DCDC2: variants seen among roughly 807,000 people sequenced by gnomAD.
DCDC2 encodes doublecortin domain-containing protein 2.
DCDC2 carries 40 observed loss-of-function variants against 50.2 expected under a neutral mutation model. The observed-to-expected ratio is 0.80, with a 90% CI of 0.62 to 1.04. DCDC2 has a LOEUF of 1.04. DCDC2 is among the 50% of genes least tolerant of loss of function. DCDC2 has a pLI of 0.00. For missense variants in DCDC2, 570 were observed against 581.9 expected (o/e 0.98, Z 0.21); for synonymous variants, 234 against 210.6 (o/e 1.11, Z -0.96).
chr6:24,362,374 G>A (rs1742276), upstream of DCDC2, among the ~76,000 whole-genome samples: 7,264 of 87,744 alleles, frequency 0.083, 1,322 homozygotes, highest in Middle Eastern at 0.16. Context: ...TTAATTGTAT[G>A]TTTATACAAT....
intron 7 of DCDC2, among the ~76,000 whole-genome samples, chr6:24,264,082 G>A (rs1461885095): frequency 2.6e-5 from 4 of 152,118 alleles, no homozygotes; most frequent in Admixed American, 2.6e-4. Flanking sequence ...AGAGTGGCAT[G>A]ACATATTTAA....
intron 7 of DCDC2, among the ~76,000 whole-genome samples, chr6:24,215,075 C>G (rs1761946438): frequency 2.0e-5 from 3 of 151,820 alleles, no homozygotes; most frequent in Admixed American, 6.6e-5. Flanking sequence ...GCATGCAAGT[C>G]TATGTAAGCT....
chr6:24,284,198 C>A (rs73394100), intron 6 of DCDC2, among the ~76,000 whole-genome samples: 2 of 152,170 alleles, frequency 1.3e-5, no homozygotes, highest in Non-Finnish European at 1.5e-5. Context: ...GCCCCCACTG[C>A]GGCCACCTAG....
In DCDC2 at chr6:24,357,305, A is replaced by G. The variant is rs566284286; in HGVS notation, c.293+153T>C. On this transcript the variant is annotated intron_variant, in intron 1 of 9. Coordinates refer to ENST00000378454, the MANE Select transcript of DCDC2 (RefSeq NM_016356.5). ...TCACAGTGTCAACCTCTACCCCCCA[A>G]CTGCAACGAGAGTTTTGAGGGGCAT... The G allele has an allele frequency of 1.5e-4, 129 of 867,044 alleles. No homozygotes were observed. In the African/African-American group the frequency reaches 1.6e-3, roughly 11 times the overall value. The allele number at this position is 867,044 out of a possible 1,614,324, so 53.7% of individuals were successfully genotyped here. A position where few individuals can be genotyped will look rare whatever the true frequency, so the allele number is the denominator to read the frequency against.
the DCDC2 span, among the ~76,000 whole-genome samples, chr6:24,367,816 C>A: frequency 6.6e-6 from 1 of 151,792 alleles, no homozygotes; most frequent in Non-Finnish European, 1.5e-5. Context: ...TCTGAAGGAA[C>A]AAGAGACAGA....
upstream of DCDC2, among the ~76,000 whole-genome samples, chr6:24,359,234 A>ATATATTATATATAATATATTTTT (rs1238312828): frequency 2.1e-5 from 1 of 48,364 alleles, no homozygotes; most frequent in African/African-American, 1.3e-4. Context: ...TATATATTTT[A>ATATATTATATATAATATATTTTT]TATATTTTAT....
chr6:24,298,959 C>G (rs1759317197), intron 4 of DCDC2, among the ~76,000 whole-genome samples: 1 of 152,048 alleles, frequency 6.6e-6, no homozygotes, highest in South Asian at 2.1e-4. Flanking sequence ...CATGTAATAG[C>G]AAAAGATTAG....
At chr6:24,221,124 T>C (rs892686484) in intron 7 of DCDC2, among the ~76,000 whole-genome samples, 2 of 152,126 alleles carry the variant, frequency 1.3e-5, no homozygotes, top group Non-Finnish European at 2.9e-5. Flanking sequence ...GGTACAGACC[T>C]TCTCTCTTCA....
upstream of DCDC2, among the ~76,000 whole-genome samples, chr6:24,361,377 C>A (rs1043782554): frequency 6.6e-6 from 1 of 151,114 alleles, no homozygotes; most frequent in Non-Finnish European, 1.5e-5. Context: ...CTCCGTGACA[C>A]GAGTTACCTA....
intron 7 of DCDC2, among the ~76,000 whole-genome samples, chr6:24,260,016 G>C (rs1762977379): frequency 6.6e-6 from 1 of 152,194 alleles, no homozygotes; most frequent in African/African-American, 2.4e-5. Flanking sequence ...GAGAATTGAT[G>C]CTTAAGGTTA....
At chr6:24,180,717 C>A (rs893840685) in intron 8 of DCDC2, among the ~76,000 whole-genome samples, 1 of 151,810 alleles carries the variant, frequency 6.6e-6, no homozygotes, top group South Asian at 2.1e-4. Context: ...AGTTTGGAAC[C>A]CAGTTAGCCC....
chr6:24,348,734 C>T (rs551803212), intron 2 of DCDC2, among the ~76,000 whole-genome samples: 73 of 152,294 alleles, frequency 4.8e-4, no homozygotes, highest in African/African-American at 1.7e-3. Flanking sequence ...AACTGGCTGA[C>T]CCACAACCCT....
At chr6:24,353,336 T>C (rs1260610561) in intron 2 of DCDC2, 2 of 592,314 alleles carry the variant, frequency 3.4e-6, no homozygotes, top group Admixed American at 2.2e-5. Flanking sequence ...AAGAGAAAAA[T>C]ATGTTTTGTC....
intron 8 of DCDC2, among the ~76,000 whole-genome samples, chr6:24,198,872 C>G (rs932991469): frequency 3.9e-5 from 6 of 152,240 alleles, no homozygotes; most frequent in African/African-American, 1.4e-4. Flanking sequence ...TTTCCCCTCA[C>G]AGTGTAAACG....
At chr6:24,233,364 T>A (rs181881687) in intron 7 of DCDC2, among the ~76,000 whole-genome samples, 1 of 152,348 alleles carries the variant, frequency 6.6e-6, no homozygotes, top group Admixed American at 6.5e-5. Flanking sequence ...ATCACTACTG[T>A]TTCATCAAAA....
chr6:24,342,467 G>C lies in DCDC2; in HGVS notation c.348+11102C>G, dbSNP rs565981966. 7.2e-5 allele frequency among the ~76,000 whole-genome samples: 11 copies of C among 152,324 alleles called. No individual in the cohort carries two copies. The East Asian group carries it at 1.9e-3, about 27-fold the overall frequency. On this transcript the variant is annotated intron_variant, in intron 2 of 9. Transcript: ENST00000378454. ...CTTCTTGCACCAGCCACTTCTCCGT[G>C]GAGTGTGGCAGCTGGGCAGCGCTCC...
At chr6:24,224,794 C>T (rs1762193165) in intron 7 of DCDC2, among the ~76,000 whole-genome samples, 1 of 152,126 alleles carries the variant, frequency 6.6e-6, no homozygotes, top group Admixed American at 6.5e-5. Flanking sequence ...CTGCCTCTAT[C>T]ATAGGTAGCA....
upstream of DCDC2, among the ~76,000 whole-genome samples, chr6:24,358,922 T>A (rs866239268): frequency 6.3e-4 from 23 of 36,408 alleles, 2 homozygotes; most frequent in Middle Eastern, 0.038. Context: ...TTATATATAT[T>A]ATATATTATA....
chr6:24,179,957 A>AAG (rs1761027697), intron 8 of DCDC2, among the ~76,000 whole-genome samples: 1 of 149,716 alleles, frequency 6.7e-6, no homozygotes, highest in Non-Finnish European at 1.5e-5. Context: ...CCATCTCAAA[A>AAG]AAAAAAAAAA....
Sources: gnomAD v4.1 joint callset for allele counts (sites outside exome capture counted in the v4.1 genomes callset) on GRCh38, gnomAD v4.1.1 for gene constraint, MANE v1.5 for transcripts, NCBI Gene and HGNC (gene_info 2026-07-23, HGNC 2026-07-21) for gene names.